Variants in ADAMTS12 observed in about 807,000 individuals in gnomAD.
The protein encoded by ADAMTS12 is A disintegrin and metalloproteinase with thrombospondin motifs 12.
In ADAMTS12, 118 loss-of-function variants were observed where a neutral mutation model predicts 167.8. The ratio of observed to expected loss-of-function variants is 0.70; its 90% CI spans 0.61 to 0.82. ADAMTS12 has a LOEUF of 0.82. Among genes scored for constraint, ADAMTS12 ranks in the 40% least tolerant of loss-of-function variants. ADAMTS12 has a pLI of 0.00. For missense variants in ADAMTS12, 1,916 were observed against 1,998.8 expected (o/e 0.96, Z 0.79); for synonymous variants, 704 against 716.9 (o/e 0.98, Z 0.29).
rs1305718936 is a variant in ADAMTS12 at position 33,577,180 on chromosome 5, G to C, written c.2866-20C>G. 1 of 1,613,792 alleles carries C rather than the reference G, an allele frequency of 6.2e-7. No homozygotes were observed. On this transcript the variant is annotated intron_variant, in intron 18 of 23. Transcript: ENST00000504830. ...AGAACACTAGAAGAGAGAAACAGCT[G>C]TTAGCCTGGCGAGAGAAGATGCTTT...
In ADAMTS12 at chr5:33,631,468, A is replaced by G. The variant is rs150115527; in HGVS notation, c.1889-555T>C. The stretch of plus-strand genomic sequence containing the variant: ...GAGGTGCTTAGATTGACAACCATGT[A>G]GAAACATTTTTTTTGTTGAAGCTGA... On this transcript the variant is annotated intron_variant, in intron 12 of 23. Transcript: ENST00000504830. Among the ~76,000 whole-genome samples, 32 of 114,304 alleles carry G rather than the reference A, an allele frequency of 2.8e-4. 2 individuals carry two copies. The East Asian group carries it at 6.4e-3, about 23-fold the overall frequency. The allele number at this position is 114,304 out of a possible 152,430, so 75.0% of individuals were successfully genotyped here. A position where few individuals can be genotyped will look rare whatever the true frequency, so the allele number is the denominator to read the frequency against.
At position 33,765,078 on chromosome 5, in the gene ADAMTS12, T is replaced by C. The variant is rs114016521; in HGVS notation, c.490-13530A>G. On this transcript the variant is annotated intron_variant, in intron 2 of 23. Coordinates refer to ENST00000504830, the MANE Select transcript of ADAMTS12 (RefSeq NM_030955.4). ...AAAGTATATACGTGAATGATCTTTT[T>C]TCTTTTCCCAATGTTTTATTTTGCA... is the stretch of plus-strand genomic sequence containing the variant. Among the ~76,000 whole-genome samples the C allele has an allele frequency of 1.6e-3, 245 of 152,378 alleles. 2 individuals are homozygous for C. The highest frequency in any genetic ancestry group is 5.7e-3 in the African/African-American group (236 of 41,592).
chr5:33,609,722 C>G (rs983690412), intron 16 of ADAMTS12, among the ~76,000 whole-genome samples: 43 of 152,312 alleles, frequency 2.8e-4, no homozygotes, highest in African/African-American at 9.9e-4. Context: ...AGAACAGAGA[C>G]TTGCAACATT....
intron 2 of ADAMTS12, among the ~76,000 whole-genome samples, chr5:33,806,775 T>G (rs986274368): frequency 1.1e-4 from 17 of 152,216 alleles, no homozygotes; most frequent in Admixed American, 2.6e-4. Context: ...ACTGTCATGT[T>G]TCAGATTTCC....
rs749983338 is a variant in ADAMTS12 at position 33,661,938 on chromosome 5, C to T, written c.1018G>A (p.Asp340Asn). 3.1e-6 allele frequency: 5 copies of T among 1,613,182 alleles called. No individual in the cohort carries two copies. Among genetic ancestry groups the T allele is most frequent in the Admixed American group, 1.7e-5 (1 of 59,954 alleles). Reference protein sequence around the residue: ...PKSDLNPVHHDVAVLLTRKDI... With the variant: ...PKSDLNPVHHNVAVLLTRKDI... Reference sequence around the variant, plus strand: ...TACCTGGTGAGAAGGACAGCCACGTCGTGATGAACAGGATTGAGGTCACTC... The same window carrying T: ...TACCTGGTGAGAAGGACAGCCACGTTGTGATGAACAGGATTGAGGTCACTC... Residue 340 changes from aspartate (D) to asparagine (N), a missense_variant, in exon 6 of 24, where the codon GAC becomes AAC. Transcript: ENST00000504830.
chr5:33,747,886 C>T lies in ADAMTS12; in HGVS notation c.634+3518G>A, dbSNP rs145959063. ...ATATCCAAGCTGTCAGTGCTTCAGA[C>T]AAAGAGGTATATTCTATTTACAATT... On this transcript the variant is annotated intron_variant, in intron 3 of 23. Transcript: ENST00000504830. Among the ~76,000 whole-genome samples, 9 of 152,212 alleles carry T rather than the reference C, an allele frequency of 5.9e-5. No individual in the cohort carries two copies. In the East Asian group the frequency reaches 1.4e-3, roughly 23 times the overall value.
intron 17 of ADAMTS12, among the ~76,000 whole-genome samples, chr5:33,595,681 T>C (rs1329249271): frequency 6.6e-6 from 1 of 152,236 alleles, no homozygotes; most frequent in Admixed American, 6.5e-5. Context: ...CACCAATGCT[T>C]TGGCAGTTAG....
intron 20 of ADAMTS12, among the ~76,000 whole-genome samples, chr5:33,556,999 C>T (rs1001215029): frequency 6.6e-6 from 1 of 152,214 alleles, no homozygotes; most frequent in Non-Finnish European, 1.5e-5. Flanking sequence ...TTGGTGTAGT[C>T]ATGAACCTGA....
At chr5:33,869,432 G>A (rs1306003058) in intron 2 of ADAMTS12, among the ~76,000 whole-genome samples, 1 of 152,090 alleles carries the variant, frequency 6.6e-6, no homozygotes, top group Non-Finnish European at 1.5e-5. Context: ...TCCTCTGGTA[G>A]GGCAATGCAG....
intron 20 of ADAMTS12, among the ~76,000 whole-genome samples, chr5:33,559,296 T>A (rs899194084): frequency 3.9e-5 from 6 of 152,156 alleles, no homozygotes; most frequent in Admixed American, 6.6e-5. Flanking sequence ...CTAGGGTTGA[T>A]CATGTATGGC....
At chr5:33,692,951 A>G (rs1233242404) in intron 3 of ADAMTS12, among the ~76,000 whole-genome samples, 1 of 152,228 alleles carries the variant, frequency 6.6e-6, no homozygotes, top group East Asian at 1.9e-4. Context: ...AGTAGACACT[A>G]TGCTTGGAAA....
chr5:33,804,590 C>T (rs2112477636), intron 2 of ADAMTS12, among the ~76,000 whole-genome samples: 1 of 152,334 alleles, frequency 6.6e-6, no homozygotes, highest in South Asian at 2.1e-4. Context: ...GAAAGGTACA[C>T]AGCCCATCAC....
chr5:33,844,707 G>A (rs1242446828), intron 2 of ADAMTS12, among the ~76,000 whole-genome samples: 1 of 152,130 alleles, frequency 6.6e-6, no homozygotes, highest in Non-Finnish European at 1.5e-5. Flanking sequence ...CTATTACCTT[G>A]TGAAGCACGT....
In ADAMTS12 at chr5:33,803,993, T is replaced by C. The variant is rs185268616; in HGVS notation, c.490-52445A>G. Among the ~76,000 whole-genome samples, 23 of 152,304 alleles carry C rather than the reference T, an allele frequency of 1.5e-4. No homozygotes were observed. In the East Asian group the frequency reaches 4.4e-3, roughly 29 times the overall value. On this transcript the variant is annotated intron_variant, in intron 2 of 23. Transcript: ENST00000504830. ...GACAAGAGCCTAGCTGTGCTGCCTA[T>C]TGGCTGGACATCCTTTACCAAATGT...
At chr5:33,813,503 C>T (rs2084123) in intron 2 of ADAMTS12, among the ~76,000 whole-genome samples, 67,821 of 151,938 alleles carry the variant, frequency 0.45, 15,491 homozygotes, top group Non-Finnish European at 0.47. Flanking sequence ...TTCTCCACCC[C>T]GCTGAATCTG....
At chr5:33,640,529 C>T (rs969145526) in intron 11 of ADAMTS12, among the ~76,000 whole-genome samples, 1 of 152,154 alleles carries the variant, frequency 6.6e-6, no homozygotes, top group Admixed American at 6.5e-5. Flanking sequence ...CAAATGGAAA[C>T]AAACGATTAA....
chr5:33,609,538 TA>T (rs1288572728), intron 16 of ADAMTS12, among the ~76,000 whole-genome samples: 1 of 152,052 alleles, frequency 6.6e-6, no homozygotes, highest in African/African-American at 2.4e-5. Context: ...CACACCTGGC[TA>T]AGTTTTGTAT....
chr5:33,775,499 A>G (rs1745883599), intron 2 of ADAMTS12, among the ~76,000 whole-genome samples: 1 of 152,194 alleles, frequency 6.6e-6, no homozygotes, highest in African/African-American at 2.4e-5. Flanking sequence ...GTTTCTTCCA[A>G]TCAAAGATGT....
intron 2 of ADAMTS12, among the ~76,000 whole-genome samples, chr5:33,772,715 C>A (rs1491004197): frequency 6.6e-6 from 1 of 152,182 alleles, no homozygotes; most frequent in Non-Finnish European, 1.5e-5. Context: ...CAGATCTGCA[C>A]CACTCTTAAA....
Sources: gnomAD v4.1 joint callset for allele counts (sites outside exome capture counted in the v4.1 genomes callset) on GRCh38, gnomAD v4.1.1 for gene constraint, MANE v1.5 for transcripts, NCBI Gene and HGNC (gene_info 2026-07-23, HGNC 2026-07-21) for gene names.